The following PTPRT variants were observed in gnomAD, a reference collection of about 807,000 sequenced individuals.
PTPRT encodes the protein receptor-type tyrosine-protein phosphatase T.
A neutral mutation model predicts 176.8 loss-of-function variants in PTPRT; 56 were observed. The ratio of observed to expected loss-of-function variants is 0.32; its 90% confidence interval spans 0.26 to 0.40. The LOEUF is 0.40. Among genes scored for constraint, PTPRT ranks in the 10% least tolerant of loss-of-function variants. The probability of loss-of-function intolerance (pLI) is 1.00; values close to 1 mark genes in which losing one functional copy is unlikely to be tolerated. For synonymous variants in PTPRT, 783 were observed against 739.0 expected (o/e 1.06, Z -0.96); for missense variants, 1,540 against 1,908.2 (o/e 0.81, Z 3.60).
chr20:42,150,238 G>C (rs557271296), intron 17 of PTPRT, among the ~76,000 whole-genome samples: 1 of 150,970 alleles, frequency 6.6e-6, no homozygotes, highest in African/African-American at 2.5e-5. Flanking sequence ...CAAGGCTGAG[G>C]GCGTGTCAGC....
the PTPRT span, among the ~76,000 whole-genome samples, chr20:42,034,323 C>T: frequency 1.2e-4 from 18 of 152,232 alleles, no homozygotes; most frequent in South Asian, 6.2e-4. Flanking sequence ...CAGTTCCTGA[C>T]CATTGTGGAC....
chr20:42,796,478 A>T lies in PTPRT; in HGVS notation c.215-5012T>A, dbSNP rs879887106. On this transcript the variant is annotated intron_variant, in intron 2 of 30. Coordinates refer to ENST00000373187, the MANE Select transcript of PTPRT (RefSeq NM_007050.6). ...CTCATTTTATAAACTCCAGTAGGGA[A>T]CAAGTAACTTGGCCAAGGTCAACCA... 8.5e-5 allele frequency among the ~76,000 whole-genome samples: 13 copies of T among 152,200 alleles called. No homozygotes were observed. The East Asian group carries it at 2.5e-3, about 29-fold the overall frequency.
intron 21 of PTPRT, among the ~76,000 whole-genome samples, 163 bp downstream of exon 21, chr20:42,118,240 G>A (rs980940900): frequency 1.3e-5 from 2 of 152,198 alleles, no homozygotes; most frequent in Admixed American, 1.3e-4. Flanking sequence ...GAAGGGAAAG[G>A]ACATTGCTTG....
At chr20:43,037,246 T>C (rs1041017463) in intron 1 of PTPRT, among the ~76,000 whole-genome samples, 5 of 152,250 alleles carry the variant, frequency 3.3e-5, no homozygotes, top group African/African-American at 9.6e-5. Context: ...TATGAAAGAC[T>C]ACTATGTGAA....
intron 9 of PTPRT, among the ~76,000 whole-genome samples, chr20:42,358,217 T>TC (rs1007715237): frequency 2.0e-4 from 27 of 133,506 alleles, no homozygotes; most frequent in African/African-American, 4.5e-4. Context: ...AAACTCTCTC[T>TC]TTTTTTTTTT....
Position 42,366,838 on chromosome 20 carries a change from C to T in PTPRT, c.1561-14553G>A, listed in dbSNP as rs116317784. On this transcript the variant is annotated intron_variant, in intron 9 of 30. Transcript: ENST00000373187. ...GCTGGGGATTGCAGAGTAAAACCCA[C>T]GAAGTGAGCAGCCTGATTGCCCAGC... is the stretch of plus-strand genomic sequence containing the variant. Among the ~76,000 whole-genome samples the T allele has an allele frequency of 6.5e-3, 991 of 152,318 alleles. 12 individuals are homozygous for T. Among genetic ancestry groups the T allele is most frequent in the African/African-American group, 0.022 (901 of 41,570 alleles).
At chr20:42,683,115 C>T (rs1272819504) in intron 6 of PTPRT, among the ~76,000 whole-genome samples, 1 of 152,134 alleles carries the variant, frequency 6.6e-6, no homozygotes, top group Non-Finnish European at 1.5e-5. Flanking sequence ...TATTCACTGA[C>T]CCTCCAGGTC....
chr20:42,226,938 T>G (rs2056027045), intron 15 of PTPRT, among the ~76,000 whole-genome samples: 2 of 152,048 alleles, frequency 1.3e-5, no homozygotes, highest in African/African-American at 2.4e-5. Flanking sequence ...GAAAAACATT[T>G]TAGAGTTTAT....
At chr20:43,023,842 G>A (rs1335651599) in intron 1 of PTPRT, among the ~76,000 whole-genome samples, 1 of 151,742 alleles carries the variant, frequency 6.6e-6, no homozygotes, top group Non-Finnish European at 1.5e-5. Flanking sequence ...TACCCCAGAT[G>A]TCTCATCAAA....
chr20:42,704,365 C>T (rs186360404), intron 6 of PTPRT, among the ~76,000 whole-genome samples: 51 of 151,452 alleles, frequency 3.4e-4, no homozygotes, highest in African/African-American at 1.2e-3. Flanking sequence ...TACAATAAGT[C>T]ATAAACCCAA....
intron 12 of PTPRT, among the ~76,000 whole-genome samples, chr20:42,314,190 T>A (rs2057678978): frequency 6.6e-6 from 1 of 152,152 alleles, no homozygotes. Context: ...AAACTTAATA[T>A]GAACTGTAGG....
At chr20:42,180,361 TAA>T (rs975032359) in intron 16 of PTPRT, among the ~76,000 whole-genome samples, 11 of 152,192 alleles carry the variant, frequency 7.2e-5, no homozygotes, top group Non-Finnish European at 1.6e-4. Flanking sequence ...GTTACCTTTT[TAA>T]AGTCTTTAGT....
At chr20:42,315,094 C>T (rs947145264) in intron 12 of PTPRT, among the ~76,000 whole-genome samples, 1 of 68,166 alleles carries the variant, frequency 1.5e-5, no homozygotes, top group African/African-American at 5.7e-5. Context: ...GGTTACCTTG[C>T]GTGAACCCGG....
At chr20:42,651,923 C>T (rs2075038541) in intron 7 of PTPRT, among the ~76,000 whole-genome samples, 1 of 152,064 alleles carries the variant, frequency 6.6e-6, no homozygotes, top group Admixed American at 6.5e-5. Flanking sequence ...TGGTGTGTGC[C>T]TGCAATCCCA....
At chr20:42,488,428 C>T (rs1333513408) in intron 7 of PTPRT, among the ~76,000 whole-genome samples, 2 of 152,132 alleles carry the variant, frequency 1.3e-5, no homozygotes, top group East Asian at 3.9e-4. Flanking sequence ...ACCTTTTTAC[C>T]AATCTGATGG....
intron 7 of PTPRT, among the ~76,000 whole-genome samples, chr20:42,602,596 A>G (rs368859824): frequency 1.3e-5 from 2 of 152,132 alleles, no homozygotes; most frequent in South Asian, 4.1e-4. Flanking sequence ...TACAGGTCAC[A>G]TTATTAGGAA....
intron 1 of PTPRT, among the ~76,000 whole-genome samples, chr20:43,079,017 T>C (rs2011360640): frequency 6.6e-6 from 1 of 152,152 alleles, no homozygotes; most frequent in African/African-American, 2.4e-5. Context: ...TCTAGACCCA[T>C]TTTTCACTTT....
At chr20:42,386,679 G>A (rs894570603) in intron 9 of PTPRT, among the ~76,000 whole-genome samples, 1 of 152,140 alleles carries the variant, frequency 6.6e-6, no homozygotes, top group Admixed American at 6.5e-5. Context: ...TGGCCAAGAT[G>A]GTGAAACCCT....
chr20:43,120,717 C>T (rs1257252206), intron 1 of PTPRT, among the ~76,000 whole-genome samples: 1 of 152,214 alleles, frequency 6.6e-6, no homozygotes, highest in East Asian at 1.9e-4. Flanking sequence ...GGGGTCAAGT[C>T]TACATGAAAA....
Sources: gnomAD v4.1 joint callset for allele counts (sites outside exome capture counted in the v4.1 genomes callset) on GRCh38, gnomAD v4.1.1 for gene constraint, MANE v1.5 for transcripts, NCBI Gene and HGNC (gene_info 2026-07-23, HGNC 2026-07-21) for gene names.